Variants in NECTIN3 observed in about 807,000 individuals in gnomAD.
NECTIN3 encodes nectin-3.
NECTIN3 carries 8 observed loss-of-function variants against 49.4 expected under a neutral mutation model. The observed-to-expected ratio is 0.16, with a 90% CI of 0.10 to 0.29. The LOEUF is 0.29. NECTIN3 is among the 10% of genes least tolerant of loss of function. The pLI is 1.00. For missense variants in NECTIN3, 581 were observed against 654.6 expected (o/e 0.89, Z 1.23); for synonymous variants, 277 against 241.1 (o/e 1.15, Z -1.38).
At position 111,071,928 on chromosome 3, in the gene NECTIN3, A is replaced by T. The variant is rs1442044589; in HGVS notation, c.-90A>T. On this transcript the variant is annotated 5_prime_UTR_variant, in exon 1 of 6. Coordinates refer to ENST00000485303, the MANE Select transcript of NECTIN3 (RefSeq NM_015480.3). ...TGGGAGCTGGGGACGCGCGCGCCGG[A>T]CCTTCCACAGCCTCCGCCCAGAGCC... is the stretch of plus-strand genomic sequence containing the variant. 1.1e-5 allele frequency: 10 copies of T among 897,200 alleles called. No individual in the cohort carries two copies. Among genetic ancestry groups the T allele is most frequent in the African/African-American group, 3.8e-5 (2 of 52,794 alleles). The allele number at this position is 897,200 out of a possible 1,614,324, so 55.6% of individuals were successfully genotyped here.
intron 7 of NECTIN3, among the ~76,000 whole-genome samples, chr3:111,173,382 T>C (rs2107527842): frequency 6.6e-6 from 1 of 152,342 alleles, no homozygotes; most frequent in Middle Eastern, 3.4e-3. Context: ...GTCAAGATCC[T>C]CTGCAGGGGC....
Position 111,187,345 on chromosome 3 carries a change from G to T in NECTIN3, c.1222-5006G>T, listed in dbSNP as rs117914429. Among the ~76,000 whole-genome samples the T allele has an allele frequency of 1.2e-4, 19 of 152,310 alleles. No homozygotes were observed. The East Asian group carries it at 3.7e-3, about 29-fold the overall frequency. On this transcript the variant is annotated intron_variant, in intron 7 of 8. Coordinates refer to the NECTIN3 transcript ENST00000493615. The stretch of plus-strand genomic sequence containing the variant: ...TTGAACTCAGGCGTTTGAGACTGCA[G>T]TGAACCATGATTGTACCACTACTCT...
chr3:111,102,697 G>GT (rs1488194409), intron 1 of NECTIN3, among the ~76,000 whole-genome samples: 2 of 152,058 alleles, frequency 1.3e-5, no homozygotes, highest in Non-Finnish European at 2.9e-5. Context: ...TGCCTTTGGT[G>GT]TTTCATCTAA....
intron 6 of NECTIN3, among the ~76,000 whole-genome samples, chr3:111,145,620 T>A (rs567734235): frequency 6.6e-6 from 1 of 152,216 alleles, no homozygotes; most frequent in African/African-American, 2.4e-5. Context: ...AGATGACCAG[T>A]GTCTCAGTTC....
At chr3:111,178,501 C>T (rs2035571426) in intron 7 of NECTIN3, among the ~76,000 whole-genome samples, 1 of 152,174 alleles carries the variant, frequency 6.6e-6, no homozygotes, top group Non-Finnish European at 1.5e-5. Context: ...ATGTTCAGCC[C>T]TGGGCTGGGG....
intron 1 of NECTIN3, among the ~76,000 whole-genome samples, chr3:111,082,946 A>G (rs1170022206): frequency 6.6e-6 from 1 of 152,146 alleles, no homozygotes; most frequent in African/African-American, 2.4e-5. Context: ...TGCAGTTCTC[A>G]GTAGGGTTCG....
chr3:111,110,423 T>G (rs192092997), intron 1 of NECTIN3, among the ~76,000 whole-genome samples: 1 of 152,040 alleles, frequency 6.6e-6, no homozygotes, highest in Non-Finnish European at 1.5e-5. Context: ...AAGAAAGTCA[T>G]GTGAGCTTTT....
intron 2 of NECTIN3, among the ~76,000 whole-genome samples, chr3:111,117,807 A>G (rs2033753113): frequency 6.6e-6 from 1 of 152,034 alleles, no homozygotes; most frequent in Admixed American, 6.6e-5. Flanking sequence ...GCACCTAACA[A>G]TTGCTGGAAA....
intron 1 of NECTIN3, among the ~76,000 whole-genome samples, chr3:111,075,953 T>C (rs946613364): frequency 2.0e-5 from 3 of 152,104 alleles, no homozygotes; most frequent in Admixed American, 6.6e-5. Context: ...ATAGTACATA[T>C]TGCCTGCATG....
At chr3:111,107,825 A>C (rs1291246962) in intron 1 of NECTIN3, among the ~76,000 whole-genome samples, 1 of 152,176 alleles carries the variant, frequency 6.6e-6, no homozygotes, top group Non-Finnish European at 1.5e-5. Flanking sequence ...ATGGGGGAAA[A>C]TCTTATTCAG....
At chr3:111,130,296 T>G (rs1443828214) in intron 5 of NECTIN3, among the ~76,000 whole-genome samples, 1 of 151,812 alleles carries the variant, frequency 6.6e-6, no homozygotes, top group Non-Finnish European at 1.5e-5. Context: ...AGTTAGACTT[T>G]ACTTTTCTAT....
intron 4 of NECTIN3, among the ~76,000 whole-genome samples, chr3:111,124,265 C>G (rs921274181): frequency 2.0e-5 from 3 of 152,040 alleles, no homozygotes; most frequent in Non-Finnish European, 2.9e-5. Context: ...AATCATTTAA[C>G]CCCTCTAATC....
At position 111,137,348 on chromosome 3, in the gene NECTIN3, A is replaced by AC. The variant is rs1178132651; in HGVS notation, c.*3134dup. 1.0e-6 allele frequency: 1 copy of AC among 971,586 alleles called. No individual in the cohort carries two copies. 60.2% of individuals were successfully genotyped at this position (971,586 alleles called of 1,614,324 possible). On this transcript the variant is annotated 3_prime_UTR_variant, in exon 6 of 6. Transcript: ENST00000485303. ...TAATTAGAAAATGCATCCTTCATAAACAGCTCCTTTCTCAAATTTTTTGTA... is the reference window on the plus strand; with the variant it reads ...TAATTAGAAAATGCATCCTTCATAAACCAGCTCCTTTCTCAAATTTTTTGTA...
rs77347144 is a variant in NECTIN3, at chr3:111,134,237, C to G, written c.*22C>G. On this transcript the variant is annotated 3_prime_UTR_variant, in exon 6 of 6. Transcript: ENST00000485303. ...TTAGCAACCACTGAATGTGACTTAA[C>G]TATGTACAATGTTCATTCACACTAG... 6,388 of 1,557,410 alleles carry G rather than the reference C, an allele frequency of 4.1e-3. 215 individuals carry two copies. The African/African-American group carries it at 0.075, about 18-fold the overall frequency.
chr3:111,174,942 C>T (rs745785548), intron 7 of NECTIN3, among the ~76,000 whole-genome samples: 28 of 152,068 alleles, frequency 1.8e-4, no homozygotes, highest in Non-Finnish European at 5.9e-5. Flanking sequence ...GGGTCACACA[C>T]GGACTCAGTG....
rs534825151 is a variant in NECTIN3 at position 111,136,828 on chromosome 3, CTT to C, written c.*2614_*2615del. 52 of 956,060 alleles carry C rather than the reference CTT, an allele frequency of 5.4e-5. No individual in the cohort carries two copies. The African/African-American group carries it at 8.8e-4, about 16-fold the overall frequency. 59.2% of individuals were successfully genotyped at this position (956,060 alleles called of 1,614,324 possible). A position where few individuals can be genotyped will look rare whatever the true frequency, so the allele number is the denominator to read the frequency against. The stretch of plus-strand genomic sequence containing the variant: ...TGATATAATGAAGATGAATGCAACT[CTT>C]ATTTTTCTGCCATTTTTTATTAAAA... On this transcript the variant is annotated 3_prime_UTR_variant, in exon 6 of 6. Coordinates refer to ENST00000485303, the MANE Select transcript of NECTIN3 (RefSeq NM_015480.3).
intron 1 of NECTIN3, chr3:111,077,062 C>A: frequency 5.9e-6 from 1 of 170,074 alleles, no homozygotes; most frequent in East Asian, 1.6e-4. Context: ...TGTAACTTAT[C>A]AATTACAAAT....
At position 111,095,666 on chromosome 3, in the gene NECTIN3, T is replaced by C. The variant is rs373458237; in HGVS notation, c.161-16364T>C. ...GTGGGAGGGACCCTATGGGAGGTAA[T>C]TGAATCATGGGGGCAGGTCTTTCCT... On this transcript the variant is annotated intron_variant, in intron 1 of 5. Transcript: ENST00000485303. Among the ~76,000 whole-genome samples the C allele has an allele frequency of 3.3e-5, 5 of 152,160 alleles. No homozygotes were observed. In the East Asian group the frequency reaches 9.6e-4, roughly 29 times the overall value.
At chr3:111,178,774 A>G (rs370197379) in intron 7 of NECTIN3, among the ~76,000 whole-genome samples, 1 of 152,178 alleles carries the variant, frequency 6.6e-6, no homozygotes, top group African/African-American at 2.4e-5. Flanking sequence ...GACTGGATAT[A>G]CTCAAGATGG....
Sources: allele counts gnomAD v4.1 joint callset (sites outside exome capture counted in the v4.1 genomes callset), GRCh38; gene constraint gnomAD v4.1.1; transcripts MANE v1.5; gene names NCBI Gene and HGNC (gene_info 2026-07-23, HGNC 2026-07-21).